Variants in ANP32A observed in about 807,000 individuals in gnomAD.
ANP32A encodes the protein acidic nuclear phosphoprotein 32 family member A.
In ANP32A, 1 loss-of-function variant was observed where a neutral mutation model predicts 33.9. The ratio of observed to expected loss-of-function variants is 0.03; its 90% CI spans 0.01 to 0.14. ANP32A has a LOEUF of 0.14. Ranked by LOEUF, ANP32A falls within the 10% of genes least tolerant of loss-of-function variation. ANP32A has a pLI of 1.00. For synonymous variants in ANP32A, 115 were observed against 120.5 expected (o/e 0.95, Z 0.30); for missense variants, 155 against 306.0 (o/e 0.51, Z 3.68).
intron 1 of ANP32A, among the ~76,000 whole-genome samples, chr15:68,813,589 A>G (rs1377876403): frequency 1.3e-5 from 2 of 152,196 alleles, no homozygotes; most frequent in African/African-American, 4.8e-5. Context: ...GGGAGAGGGT[A>G]GTTCCTAGGA....
At chr15:68,818,922 G>A (rs569068638) in intron 1 of ANP32A, among the ~76,000 whole-genome samples, 1 of 151,782 alleles carries the variant, frequency 6.6e-6, no homozygotes, top group East Asian at 2.0e-4. Flanking sequence ...CGCAAATAGT[G>A]CGCGGAAACT....
chr15:68,802,601 G>C (rs2140367945), intron 1 of ANP32A, among the ~76,000 whole-genome samples: 1 of 152,302 alleles, frequency 6.6e-6, no homozygotes, highest in Middle Eastern at 3.4e-3. Context: ...GCTGGAATCA[G>C]ATCCCATTTC....
chr15:68,802,241 C>T (rs898744571), intron 1 of ANP32A, among the ~76,000 whole-genome samples: 1 of 152,134 alleles, frequency 6.6e-6, no homozygotes, highest in South Asian at 2.1e-4. Context: ...AACTCTCCCT[C>T]CTATCTTATC....
chr15:68,781,969 C>T (rs74868722), intron 5 of ANP32A, among the ~76,000 whole-genome samples: 3,407 of 152,288 alleles, frequency 0.022, 45 homozygotes, highest in African/African-American at 0.028. Flanking sequence ...AACTGGAAGA[C>T]ACTATCTGAG....
chr15:68,800,572 G>A (rs1316339485), intron 1 of ANP32A, among the ~76,000 whole-genome samples: 1 of 151,854 alleles, frequency 6.6e-6, no homozygotes, highest in East Asian at 1.9e-4. Flanking sequence ...GTGAAACCCC[G>A]ACTCTACTAA....
At chr15:68,815,322 C>G (rs1302634185) in intron 1 of ANP32A, among the ~76,000 whole-genome samples, 2 of 152,192 alleles carry the variant, frequency 1.3e-5, no homozygotes, top group African/African-American at 4.8e-5. Context: ...ATTAAGAACA[C>G]TACATAGGGA....
intron 5 of ANP32A, chr15:68,781,022 T>G (rs28587923): frequency 0.093 from 14,397 of 154,044 alleles, 892 homozygotes; most frequent in East Asian, 0.31. Flanking sequence ...GGAAGATAAA[T>G]TCAAGACCCC....
chr15:68,809,281 C>T (rs1894281544), intron 1 of ANP32A, among the ~76,000 whole-genome samples: 1 of 152,202 alleles, frequency 6.6e-6, no homozygotes, highest in South Asian at 2.1e-4. Context: ...TCATCACACA[C>T]TAGAGCTGGA....
intron 1 of ANP32A, among the ~76,000 whole-genome samples, chr15:68,811,456 G>A (rs918340801): frequency 6.6e-6 from 1 of 152,154 alleles, no homozygotes; most frequent in Non-Finnish European, 1.5e-5. Flanking sequence ...AACTACTTAA[G>A]AAACCAGGAG....
chr15:68,797,157 A>AT (rs890247974), intron 1 of ANP32A, among the ~76,000 whole-genome samples: 2 of 152,192 alleles, frequency 1.3e-5, no homozygotes, highest in African/African-American at 4.8e-5. Context: ...ACATCAGGAT[A>AT]TAAAAACACC....
intron 1 of ANP32A, among the ~76,000 whole-genome samples, chr15:68,816,072 G>A (rs1894376072): frequency 1.3e-5 from 2 of 152,166 alleles, no homozygotes; most frequent in South Asian, 4.1e-4. Flanking sequence ...CAAACTCAGT[G>A]CAAGGCTTCA....
chr15:68,792,592 T>G (rs1894011726), intron 1 of ANP32A, among the ~76,000 whole-genome samples: 1 of 152,232 alleles, frequency 6.6e-6, no homozygotes, highest in Non-Finnish European at 1.5e-5. Flanking sequence ...AACTGAAATC[T>G]TGTCTTTACA....
chr15:68,819,190 C>G (rs1454761692), intron 1 of ANP32A, among the ~76,000 whole-genome samples: 1 of 152,198 alleles, frequency 6.6e-6, no homozygotes, highest in East Asian at 1.9e-4. Flanking sequence ...GCTGCCCAAA[C>G]TCCCAACTCC....
At chr15:68,782,932 C>G (rs752762802) in intron 5 of ANP32A, 24 bp downstream of exon 5, 1 of 1,550,840 alleles carries the variant, frequency 6.4e-7, no homozygotes, top group South Asian at 1.2e-5. Flanking sequence ...CAGACGGTGG[C>G]CCTGCCCAGC....
chr15:68,817,984 C>A (rs1234806785), intron 1 of ANP32A, among the ~76,000 whole-genome samples: 1 of 152,230 alleles, frequency 6.6e-6, no homozygotes, highest in Admixed American at 6.5e-5. Flanking sequence ...TCCTGCCCCC[C>A]AGTAACGCCT....
In ANP32A at chr15:68,787,467, C is replaced by A; in HGVS notation, c.273G>T (p.Thr91=). 6.2e-7 allele frequency: 1 copy of A among 1,614,172 alleles called. No homozygotes were observed. The highest frequency in any genetic ancestry group is 8.5e-7 in the Non-Finnish European group (1 of 1,180,026). The change falls in exon 3 of 7, where the codon ACG becomes ACT. Residue 91 remains threonine (T), a synonymous_variant. Coordinates refer to ENST00000465139, the MANE Select transcript of ANP32A (RefSeq NM_006305.4). ...EVLAEKCPNL[T]HLNLSGNKIK... is the part of the protein sequence containing the mutation. ...TTTTGTTGCCACTTAAATTTAGATGCGTGAGGTTCGGACACTTTTCTGCCA... is the reference window on the plus strand; with the variant it reads ...TTTTGTTGCCACTTAAATTTAGATGAGTGAGGTTCGGACACTTTTCTGCCA...
intron 1 of ANP32A, among the ~76,000 whole-genome samples, chr15:68,807,727 G>A (rs1027328794): frequency 1.3e-4 from 20 of 152,192 alleles, no homozygotes; most frequent in African/African-American, 4.8e-4. Flanking sequence ...GTTATTCACC[G>A]TTTCACAGAT....
At chr15:68,806,741 A>G (rs1230868903) in intron 1 of ANP32A, among the ~76,000 whole-genome samples, 1 of 152,228 alleles carries the variant, frequency 6.6e-6, no homozygotes, top group Non-Finnish European at 1.5e-5. Context: ...GTCTTCAGAG[A>G]CCACAACCAG....
chr15:68,806,747 A>G (rs1301947325), intron 1 of ANP32A, among the ~76,000 whole-genome samples: 4 of 152,226 alleles, frequency 2.6e-5, no homozygotes, highest in African/African-American at 7.2e-5. Flanking sequence ...AGAGACCACA[A>G]CCAGGGTACA....
Sources: allele counts gnomAD v4.1 joint callset (sites outside exome capture counted in the v4.1 genomes callset), GRCh38; gene constraint gnomAD v4.1.1; transcripts MANE v1.5; gene names NCBI Gene and HGNC (gene_info 2026-07-23, HGNC 2026-07-21).